The following PLD1 variants were observed in gnomAD, a reference collection of about 807,000 sequenced individuals.
PLD1 encodes the protein choline phosphatase 1.
Under a neutral mutation model 137.1 loss-of-function variants are expected in PLD1, and 112 were observed. The observed-to-expected ratio is 0.82, with a 90% CI of 0.70 to 0.96. PLD1 has a LOEUF of 0.96. Ranked by LOEUF, PLD1 falls within the 40% of genes least tolerant of loss-of-function variation. The probability of loss-of-function intolerance (pLI) is 0.00; values close to 1 mark genes in which losing one functional copy is unlikely to be tolerated. For synonymous variants in PLD1, 431 were observed against 454.7 expected (o/e 0.95, Z 0.66); for missense variants, 1,321 against 1,342.0 (o/e 0.98, Z 0.24).
chr3:171,645,945 C>CACATACA (rs961698438), intron 21 of PLD1, among the ~76,000 whole-genome samples: 3 of 150,600 alleles, frequency 2.0e-5, no homozygotes, highest in South Asian at 2.1e-4. Context: ...AAGTCCCCTG[C>CACATACA]ACATACAACA....
intron 19 of PLD1, among the ~76,000 whole-genome samples, chr3:171,669,416 T>G (rs1712512753): frequency 6.6e-6 from 1 of 152,204 alleles, no homozygotes; most frequent in Non-Finnish European, 1.5e-5. Flanking sequence ...TTTGTTTTTG[T>G]TTTTTAGACG....
At chr3:171,745,823 G>GTGGGAGCCCCTCTC (rs1421718294) in intron 1 of PLD1, among the ~76,000 whole-genome samples, 2 of 152,154 alleles carry the variant, frequency 1.3e-5, no homozygotes, top group African/African-American at 4.8e-5. Flanking sequence ...CCGCTGCACT[G>GTGGGAGCCCCTCTC]TGGGAGCCCC....
At chr3:171,686,840 C>T in intron 15 of PLD1, 42 bp from the exon 16 acceptor site, 1 of 1,000,536 alleles carries the variant, frequency 1.0e-6, no homozygotes, top group African/African-American at 1.6e-5. Context: ...ATACAAATAT[C>T]AAATTTTCTA....
At chr3:171,672,461 T>C (rs1350890098) in intron 19 of PLD1, among the ~76,000 whole-genome samples, 2 of 151,878 alleles carry the variant, frequency 1.3e-5, no homozygotes, top group Non-Finnish European at 2.9e-5. Flanking sequence ...TTATCAGATC[T>C]AGTCTCATTT....
At chr3:171,609,243 G>A (rs1306661450) in intron 25 of PLD1, among the ~76,000 whole-genome samples, 1 of 152,094 alleles carries the variant, frequency 6.6e-6, no homozygotes, top group Non-Finnish European at 1.5e-5. Context: ...AACAACAGCT[G>A]TTGGTGAGGA....
chr3:171,643,298 A>G (rs1389795406), intron 22 of PLD1: 1 of 157,042 alleles, frequency 6.4e-6, no homozygotes, highest in Non-Finnish European at 1.4e-5. Flanking sequence ...AGAATAATTT[A>G]CAAATTAAAC....
intron 1 of PLD1, among the ~76,000 whole-genome samples, chr3:171,804,922 G>C (rs369129213): frequency 2.6e-5 from 4 of 152,152 alleles, no homozygotes; most frequent in African/African-American, 9.7e-5. Flanking sequence ...CCAATGCCTC[G>C]TCTCTGCATT....
At chr3:171,793,716 T>C (rs1723311357) in intron 1 of PLD1, 1 of 152,156 alleles carries the variant, frequency 6.6e-6, no homozygotes, top group Admixed American at 6.5e-5. Context: ...GAGTGCAAGA[T>C]TTCATCACAC....
intron 1 of PLD1, among the ~76,000 whole-genome samples, chr3:171,794,684 T>C (rs1182634838): frequency 2.4e-5 from 1 of 41,320 alleles, no homozygotes; most frequent in Non-Finnish European, 5.3e-5. Flanking sequence ...TCCTCTAGTA[T>C]TAAAAAAAAA....
chr3:171,784,227 T>C (rs1241581926), intron 1 of PLD1, among the ~76,000 whole-genome samples: 1 of 152,200 alleles, frequency 6.6e-6, no homozygotes. Flanking sequence ...CTTATAGTTC[T>C]CACTCCTAAA....
chr3:171,761,869 C>T (rs890561386), intron 1 of PLD1, among the ~76,000 whole-genome samples: 9 of 152,128 alleles, frequency 5.9e-5, no homozygotes, highest in African/African-American at 1.2e-4. Context: ...TTGTTTCCCC[C>T]GTTAACACAC....
chr3:171,771,865 T>C (rs533064814), intron 1 of PLD1, among the ~76,000 whole-genome samples: 4 of 152,378 alleles, frequency 2.6e-5, no homozygotes, highest in African/African-American at 9.6e-5. Flanking sequence ...GGAAATTTTG[T>C]CAAAGAACCT....
At chr3:171,737,011 A>T (rs899426575) in intron 3 of PLD1, among the ~76,000 whole-genome samples, 1 of 152,260 alleles carries the variant, frequency 6.6e-6, no homozygotes, top group Admixed American at 6.5e-5. Context: ...CTAGGAACCA[A>T]TCAGAGAGGC....
chr3:171,620,738 CTCTCTATATATA>C (rs1203539307), intron 23 of PLD1, among the ~76,000 whole-genome samples: 2 of 77,102 alleles, frequency 2.6e-5, no homozygotes. Context: ...CTCTCTCTCT[CTCTCTATATATA>C]TATATATATA....
intron 21 of PLD1, among the ~76,000 whole-genome samples, chr3:171,656,542 C>T (rs898479473): frequency 6.6e-6 from 1 of 152,252 alleles, no homozygotes; most frequent in Non-Finnish European, 1.5e-5. Flanking sequence ...TTCTTTCAGG[C>T]TTCCAAACAC....
At chr3:171,659,018 T>C (rs930898965) in intron 21 of PLD1, among the ~76,000 whole-genome samples, 195 bp downstream of exon 21, 2 of 152,182 alleles carry the variant, frequency 1.3e-5, no homozygotes, top group Non-Finnish European at 2.9e-5. Flanking sequence ...CTTGGAAGAA[T>C]TCAAATTCCC....
intron 1 of PLD1, among the ~76,000 whole-genome samples, chr3:171,787,545 G>A (rs926491596): frequency 6.6e-6 from 1 of 152,038 alleles, no homozygotes; most frequent in African/African-American, 2.4e-5. Flanking sequence ...TTATGGATTT[G>A]TGCACCAAGA....
intron 23 of PLD1, among the ~76,000 whole-genome samples, chr3:171,637,679 A>T (rs912064427): frequency 6.6e-6 from 1 of 152,184 alleles, no homozygotes; most frequent in African/African-American, 2.4e-5. Context: ...TGAACATCAT[A>T]AAGTGTAATT....
chr3:171,698,724 G>A (rs1715974371), intron 12 of PLD1, among the ~76,000 whole-genome samples: 2 of 151,588 alleles, frequency 1.3e-5, no homozygotes, highest in South Asian at 2.1e-4. Context: ...TTGGGAAGCC[G>A]AGGTGGGCAG....
Sources: allele counts gnomAD v4.1 joint callset (sites outside exome capture counted in the v4.1 genomes callset), GRCh38; gene constraint gnomAD v4.1.1; transcripts MANE v1.5; gene names NCBI Gene and HGNC (gene_info 2026-07-23, HGNC 2026-07-21).